The following ARHGAP29 variants were observed in gnomAD, a reference collection of about 807,000 sequenced individuals.
ARHGAP29 encodes Rho GTPase activating protein 29.
A neutral mutation model predicts 122.6 loss-of-function variants in ARHGAP29; 43 were observed. The ratio of observed to expected loss-of-function variants is 0.35; its 90% CI spans 0.27 to 0.45. The LOEUF (loss-of-function observed/expected upper bound fraction) is 0.45. ARHGAP29 is among the 20% of genes least tolerant of loss of function. The pLI is 1.00. For synonymous variants in ARHGAP29, 506 were observed against 497.1 expected (o/e 1.02, Z -0.24); for missense variants, 1,303 against 1,477.2 (o/e 0.88, Z 1.93).
chr1:94,298,864 TA>T, the ARHGAP29 span, among the ~76,000 whole-genome samples: 3 of 152,170 alleles, frequency 2.0e-5, no homozygotes, highest in Non-Finnish European at 4.4e-5. Flanking sequence ...TAATAAACTA[TA>T]AACACAATGC....
intron 16 of ARHGAP29, 95 bp downstream of exon 16, chr1:94,186,403 AG>A (rs1649804468): frequency 1.2e-6 from 1 of 856,642 alleles, no homozygotes; most frequent in African/African-American, 1.8e-5. Flanking sequence ...TACACAAAAA[AG>A]TATTGATTCT....
chr1:94,286,047 T>A, the ARHGAP29 span, among the ~76,000 whole-genome samples: 1 of 152,170 alleles, frequency 6.6e-6, no homozygotes, highest in African/African-American at 2.4e-5. Flanking sequence ...AAATATTATG[T>A]ACTGAGTAGC....
rs142765157 is a variant in ARHGAP29, at chr1:94,213,081, G to A, written c.341-3731C>T. Among the ~76,000 whole-genome samples the A allele has an allele frequency of 2.8e-4, 42 of 152,264 alleles. No individual in the cohort carries two copies. The East Asian group carries it at 7.9e-3, about 29-fold the overall frequency. On this transcript the variant is annotated intron_variant, in intron 3 of 22. Coordinates refer to ENST00000260526, the MANE Select transcript of ARHGAP29 (RefSeq NM_004815.4). Reference sequence around the variant, plus strand: ...CTACTGAACAGAATTCTATAAATAGGTCATGCCATGGCCTATATTGCCTTC... The same window carrying A: ...CTACTGAACAGAATTCTATAAATAGATCATGCCATGGCCTATATTGCCTTC...
the ARHGAP29 span, among the ~76,000 whole-genome samples, chr1:94,297,695 G>C: frequency 6.6e-6 from 1 of 152,162 alleles, no homozygotes; most frequent in African/African-American, 2.4e-5. Context: ...ACTGGTCAGA[G>C]CTGGGCACAT....
At chr1:94,223,051 C>G (rs1652405304) in intron 2 of ARHGAP29, among the ~76,000 whole-genome samples, 1 of 151,828 alleles carries the variant, frequency 6.6e-6, no homozygotes, top group Non-Finnish European at 1.5e-5. Context: ...TCACGCCATT[C>G]TCCTGCCTCA....
intron 12 of ARHGAP29, chr1:94,193,812 G>A (rs1289233573): frequency 6.6e-6 from 1 of 152,178 alleles, no homozygotes; most frequent in Non-Finnish European, 1.5e-5. Flanking sequence ...TGTAGACAAA[G>A]TGTTACCAGA....
In ARHGAP29 at chr1:94,209,000, T is replaced by C. The variant is rs539884034; in HGVS notation, c.438-96A>G. 29 of 1,182,476 alleles carry C rather than the reference T, an allele frequency of 2.5e-5. No individual in the cohort carries two copies. In the African/African-American group the frequency reaches 4.2e-4, roughly 17 times the overall value. 73.2% of individuals were successfully genotyped at this position (1,182,476 alleles called of 1,614,324 possible). A position where few individuals can be genotyped will look rare whatever the true frequency, so the allele number is the denominator to read the frequency against. On this transcript the variant is annotated intron_variant, in intron 4 of 22. Transcript: ENST00000260526. ...GTTATCTAAAATAATTTTTTAAAAA[T>C]AAGAACCTTAGAAATAAACCCCTAG...
Position 94,189,945 on chromosome 1 carries a change from C to T in ARHGAP29, c.1420G>A (p.Glu474Lys). The T allele has an allele frequency of 6.2e-7, 1 of 1,613,134 alleles. No individual in the cohort carries two copies. Among genetic ancestry groups the T allele is most frequent in the East Asian group, 2.2e-5 (1 of 44,846 alleles). Residue 474 changes from glutamate (E) to lysine (K), a missense_variant, in exon 13 of 23, where the codon GAA (glutamate) becomes AAA (lysine). By Grantham distance (56) the Glu-to-Lys change is moderately conservative. This residue lies in a region of ARHGAP29 where 592 missense variants were observed against 648.2 expected (regional missense o/e 0.91). Coordinates refer to ENST00000260526, the MANE Select transcript of ARHGAP29 (RefSeq NM_004815.4). ...SEFVKATNST[E>K]EEKVDGNVNK... Reference sequence around the variant, plus strand: ...TCTCACCCATCAACTTTTTCTTCTTCAGTTGAATTTGTGGCCTTGACAAAT... The same window carrying T: ...TCTCACCCATCAACTTTTTCTTCTTTAGTTGAATTTGTGGCCTTGACAAAT...
chr1:94,238,616 C>T (rs530016148), upstream of ARHGAP29, among the ~76,000 whole-genome samples: 2 of 152,064 alleles, frequency 1.3e-5, no homozygotes, highest in African/African-American at 4.8e-5. Flanking sequence ...GAAAAATGAC[C>T]ACACACGGGA....
intron 12 of ARHGAP29, chr1:94,192,403 A>G (rs967325890): frequency 1.3e-5 from 2 of 152,248 alleles, no homozygotes; most frequent in Admixed American, 1.3e-4. Context: ...AAGGAGCTCC[A>G]AGAGAGGTCC....
the ARHGAP29 span, among the ~76,000 whole-genome samples, chr1:94,291,218 T>G: frequency 6.6e-6 from 1 of 152,228 alleles, no homozygotes; most frequent in African/African-American, 2.4e-5. Flanking sequence ...AAAGTCTGTT[T>G]TATCAGAGAC....
the ARHGAP29 span, among the ~76,000 whole-genome samples, chr1:94,288,939 T>G: frequency 6.6e-6 from 1 of 152,320 alleles, no homozygotes; most frequent in East Asian, 1.9e-4. Context: ...CCTCCAGCTT[T>G]TTTCTTTTTG....
rs1649980364 is a variant in ARHGAP29 at position 94,189,089 on chromosome 1, A to G, written c.1576+127T>C. ...ACAGGCACCATGGTAACAACTGTGAATAAGATCTCATAAACTTACAAACTA... is the reference window on the plus strand; with the variant it reads ...ACAGGCACCATGGTAACAACTGTGAGTAAGATCTCATAAACTTACAAACTA... On this transcript the variant is annotated intron_variant, in intron 14 of 22. Coordinates refer to ENST00000260526, the MANE Select transcript of ARHGAP29 (RefSeq NM_004815.4). The G allele has an allele frequency of 8.0e-6, 11 of 1,369,348 alleles. No homozygotes were observed. In the East Asian group the frequency reaches 2.6e-4, roughly 32 times the overall value. 84.8% of individuals were successfully genotyped at this position (1,369,348 alleles called of 1,614,324 possible).
upstream of ARHGAP29, among the ~76,000 whole-genome samples, chr1:94,239,117 G>A (rs1027738365): frequency 1.3e-5 from 2 of 151,978 alleles, no homozygotes; most frequent in African/African-American, 4.8e-5. Context: ...CCTTCTAATC[G>A]TGCTGAAAAA....
intron 2 of ARHGAP29, among the ~76,000 whole-genome samples, chr1:94,227,561 C>G (rs183634142): frequency 1.1e-3 from 167 of 151,864 alleles, no homozygotes; most frequent in African/African-American, 3.8e-3. Flanking sequence ...TTTCCAAGCA[C>G]TGAGTAGCAG....
At chr1:94,268,222 A>C (rs1341897703) in intron 1 of ARHGAP29, among the ~76,000 whole-genome samples, 2 of 152,212 alleles carry the variant, frequency 1.3e-5, no homozygotes, top group East Asian at 1.9e-4. Context: ...ACAATATTCA[A>C]TACATTGTTT....
intron 5 of ARHGAP29, among the ~76,000 whole-genome samples, chr1:94,206,112 T>A (rs1651170725): frequency 6.6e-6 from 1 of 152,212 alleles, no homozygotes. Context: ...ATTACATAGC[T>A]TAGCACAAAA....
chr1:94,230,425 C>T (rs540931038), intron 2 of ARHGAP29, among the ~76,000 whole-genome samples: 90 of 151,700 alleles, frequency 5.9e-4, no homozygotes, highest in Non-Finnish European at 1.0e-3. Context: ...TTAAGGAAAA[C>T]TCAAATACTA....
In ARHGAP29 at chr1:94,202,662, G is replaced by C. The variant is rs1481606017; in HGVS notation, c.1025C>G (p.Ala342Gly). 6 of 1,614,024 alleles carry C rather than the reference G, an allele frequency of 3.7e-6. No homozygotes were observed. Among genetic ancestry groups the C allele is most frequent in the South Asian group, 2.2e-5 (2 of 91,046 alleles). The part of the protein sequence containing the change: ...CMQRQDEYEK[A>G]KSSMFRAEEE... ...TTCTGCACGAAACATGGAAGACTTT[G>C]CTTTCTCATATTCATCTTGACGTTG... Residue 342 changes from alanine to glycine, a missense_variant, in exon 11 of 23, where the codon GCA becomes GGA. This residue lies in a region of ARHGAP29 where 592 missense variants were observed against 648.2 expected (regional missense o/e 0.91). Coordinates refer to ENST00000260526, the MANE Select transcript of ARHGAP29 (RefSeq NM_004815.4).
Sources: gnomAD v4.1 joint callset for allele counts (sites outside exome capture counted in the v4.1 genomes callset) on GRCh38, gnomAD v4.1.1 for gene constraint, gnomAD v4.1.1 regional missense constraint, MANE v1.5 for transcripts, NCBI Gene and HGNC (gene_info 2026-07-23, HGNC 2026-07-21) for gene names.